Variants in DLGAP1 observed in about 807,000 individuals in gnomAD.
DLGAP1 encodes disks large-associated protein 1.
DLGAP1 carries 11 observed loss-of-function variants against 90.8 expected under a neutral mutation model. The ratio of observed to expected loss-of-function variants is 0.12; its 90% CI spans 0.08 to 0.20. The LOEUF (loss-of-function observed/expected upper bound fraction) is 0.20, where lower values mean the gene tolerates loss of function less well. Ranked by LOEUF, DLGAP1 falls within the 10% of genes least tolerant of loss-of-function variation. The pLI, the probability that DLGAP1 is intolerant of heterozygous loss-of-function variation, is 1.00. For synonymous variants in DLGAP1, 558 were observed against 540.7 expected (o/e 1.03, Z -0.44); for missense variants, 1,050 against 1,333.8 (o/e 0.79, Z 3.31).
intron 1 of DLGAP1, among the ~76,000 whole-genome samples, chr18:4,404,976 AAGAT>A (rs1419991702): frequency 1.3e-5 from 2 of 152,346 alleles, no homozygotes; most frequent in African/African-American, 2.4e-5. Context: ...GAAAATAACT[AAGAT>A]AGAGAATAAT....
chr18:4,099,238 A>ATCTATCTGTCTG lies in DLGAP1; in HGVS notation c.-159+51941_-159+51942insCAGACAGATAGA, dbSNP rs1555739728. ...CAGAGAGCCTGGAACTTGAAAATAG[A>ATCTATCTGTCTG]TCTGTCTGTCTGTCTGTCTGTCTGT... On this transcript the variant is annotated intron_variant, in intron 2 of 12. Transcript: ENST00000315677. Among the ~76,000 whole-genome samples, 3 of 114,068 alleles carry ATCTATCTGTCTG rather than the reference A, an allele frequency of 2.6e-5. No homozygotes were observed. In the South Asian group the frequency reaches 9.1e-4, roughly 35 times the overall value. The allele number at this position is 114,068 out of a possible 152,430, so 74.8% of individuals were successfully genotyped here. A position where few individuals can be genotyped will look rare whatever the true frequency, so the allele number is the denominator to read the frequency against.
Position 3,729,206 on chromosome 18 carries a change from T to C in DLGAP1, c.1520A>G (p.Glu507Gly). 3 of 1,613,812 alleles carry C rather than the reference T, an allele frequency of 1.9e-6. No homozygotes were observed. The highest frequency in any genetic ancestry group is 2.5e-6 in the Non-Finnish European group (3 of 1,179,860). The change falls in exon 7 of 13, where the codon GAG (glutamate) becomes GGG (glycine). Residue 507 changes from glutamate (E) to glycine (G), a missense_variant. Physicochemically the swap from Glu to Gly is moderately conservative, Grantham distance 98. Transcript: ENST00000315677. The surrounding 1 kb of genome is among the most constrained non-coding windows in gnomAD (Gnocchi z 6.2). ...CGAGGACGACCTCAGGGACACGCAC[T>C]CGTCGTCCTGGGAGCAGCCTTTCTC... ...AIEKGCSQDDECVSLRSSSPP... is the reference protein window; with the variant it reads ...AIEKGCSQDDGCVSLRSSSPP...
At chr18:3,725,707 A>T (rs1399796879) in intron 7 of DLGAP1, among the ~76,000 whole-genome samples, 1 of 152,232 alleles carries the variant, frequency 6.6e-6, no homozygotes, top group Non-Finnish European at 1.5e-5. Context: ...AAAGAACCTA[A>T]GATTCTACCA....
intron 3 of DLGAP1, chr18:3,885,305 A>G (rs2071279889): frequency 6.6e-6 from 1 of 152,212 alleles, no homozygotes; most frequent in African/African-American, 2.4e-5. Flanking sequence ...CAAGAGCATC[A>G]TTAGAAAGCT....
chr18:4,398,636 G>C (rs2082488022), intron 1 of DLGAP1, among the ~76,000 whole-genome samples: 1 of 152,152 alleles, frequency 6.6e-6, no homozygotes, highest in African/African-American at 2.4e-5. Flanking sequence ...GATAAATATA[G>C]GAGCCACTTC....
At chr18:3,804,001 T>TATATAA (rs2066445571) in intron 5 of DLGAP1, among the ~76,000 whole-genome samples, 1 of 120,868 alleles carries the variant, frequency 8.3e-6, no homozygotes, top group Non-Finnish European at 1.8e-5. Flanking sequence ...TATATATATA[T>TATATAA]ATAATTTTTT....
chr18:4,198,798 T>A (rs756307596), intron 1 of DLGAP1, among the ~76,000 whole-genome samples: 53 of 152,170 alleles, frequency 3.5e-4, no homozygotes, highest in African/African-American at 1.2e-3. Context: ...CATTCTGCAG[T>A]TTTTGGAGAA....
intron 7 of DLGAP1, among the ~76,000 whole-genome samples, chr18:3,599,177 A>G (rs1176250748): frequency 6.6e-6 from 1 of 152,236 alleles, no homozygotes; most frequent in Non-Finnish European, 1.5e-5. Context: ...CAGTACTAAA[A>G]TCTATACCAA....
intron 10 of DLGAP1, among the ~76,000 whole-genome samples, chr18:3,530,619 A>G (rs1010534106): frequency 1.5e-4 from 23 of 152,152 alleles, no homozygotes; most frequent in Non-Finnish European, 2.9e-4. Flanking sequence ...CACAAGGAGA[A>G]AAGTGAATAA....
intron 3 of DLGAP1, among the ~76,000 whole-genome samples, chr18:3,914,311 C>A (rs1199759582): frequency 6.6e-6 from 1 of 152,192 alleles, no homozygotes; most frequent in Non-Finnish European, 1.5e-5. Flanking sequence ...CAGTATTTGC[C>A]TTTCTGTGCT....
chr18:3,783,920 A>G (rs1051333627), intron 5 of DLGAP1, among the ~76,000 whole-genome samples: 4 of 152,164 alleles, frequency 2.6e-5, no homozygotes, highest in Admixed American at 6.5e-5. Flanking sequence ...ATGTGTCCTC[A>G]TAAGTGAAAC....
At position 3,866,738 on chromosome 18, in the gene DLGAP1, C is replaced by T. The variant is rs79830369; in HGVS notation, c.957+12374G>A. On this transcript the variant is annotated intron_variant, in intron 4 of 12. Coordinates refer to ENST00000315677, the MANE Select transcript of DLGAP1 (RefSeq NM_004746.4). ...CTAGAAACTTTAGCAATAGACAGGG[C>T]GTAGGCCACAGCAAATTAGATCCAG... Among the ~76,000 whole-genome samples, 3 of 152,216 alleles carry T rather than the reference C, an allele frequency of 2.0e-5. No individual in the cohort carries two copies. In the East Asian group the frequency reaches 5.8e-4, roughly 29 times the overall value.
intron 3 of DLGAP1, among the ~76,000 whole-genome samples, chr18:3,897,789 T>TA (rs2071665093): frequency 7.1e-6 from 1 of 140,310 alleles, no homozygotes; most frequent in Non-Finnish European, 1.5e-5. Flanking sequence ...TTTTTTTTTT[T>TA]TTTTTTTTTT....
chr18:4,414,755 T>G (rs913251846), intron 1 of DLGAP1, among the ~76,000 whole-genome samples: 1 of 151,804 alleles, frequency 6.6e-6, no homozygotes, highest in African/African-American at 2.4e-5. Flanking sequence ...ATAAGTAATG[T>G]AGTAATATAG....
chr18:4,355,057 AAC>A (rs1408226655), intron 1 of DLGAP1, among the ~76,000 whole-genome samples: 1 of 152,182 alleles, frequency 6.6e-6, no homozygotes, highest in African/African-American at 2.4e-5. Context: ...CGCTCTGGGA[AAC>A]AGTTTGGCAG....
chr18:4,029,220 T>A (rs2074753011), intron 2 of DLGAP1, among the ~76,000 whole-genome samples: 1 of 152,202 alleles, frequency 6.6e-6, no homozygotes, highest in African/African-American at 2.4e-5. Context: ...ATTCCCTATG[T>A]ATATATACCA....
At chr18:3,674,296 A>AAAAAAATATATATATATAT (rs755076240) in intron 7 of DLGAP1, among the ~76,000 whole-genome samples, 1 of 128,992 alleles carries the variant, frequency 7.8e-6, no homozygotes, top group African/African-American at 3.2e-5. Flanking sequence ...ATAATATTAA[A>AAAAAAATATATATATATAT]ATATATATAT....
intron 7 of DLGAP1, among the ~76,000 whole-genome samples, chr18:3,626,122 C>T (rs983917144): frequency 1.3e-5 from 2 of 151,676 alleles, no homozygotes; most frequent in Non-Finnish European, 2.9e-5. Flanking sequence ...ATAGGGAGAC[C>T]CATCTCTACA....
chr18:4,336,542 A>G (rs2081070774), intron 1 of DLGAP1, among the ~76,000 whole-genome samples: 1 of 152,172 alleles, frequency 6.6e-6, no homozygotes, highest in African/African-American at 2.4e-5. Flanking sequence ...TACCTACATA[A>G]TATACTAGTG....
Sources: gnomAD v4.1 joint callset for allele counts (sites outside exome capture counted in the v4.1 genomes callset) on GRCh38, gnomAD v4.1.1 for gene constraint, Gnocchi (gnomAD v3.1) non-coding constraint, MANE v1.5 for transcripts, NCBI Gene and HGNC (gene_info 2026-07-23, HGNC 2026-07-21) for gene names.